Variants in DOK5 observed in about 807,000 individuals in gnomAD.
The protein encoded by DOK5 is docking protein 5.
DOK5 carries 27 observed loss-of-function variants against 43.3 expected under a neutral mutation model. The observed-to-expected ratio is 0.62, with a 90% CI of 0.46 to 0.86. The LOEUF (loss-of-function observed/expected upper bound fraction) is 0.86, where lower values mean the gene tolerates loss of function less well. DOK5 is among the 40% of genes least tolerant of loss of function. The probability of loss-of-function intolerance (pLI) is 0.00; values close to 1 mark genes in which losing one functional copy is unlikely to be tolerated. For missense variants in DOK5, 373 were observed against 392.9 expected (o/e 0.95, Z 0.43); for synonymous variants, 146 against 140.1 (o/e 1.04, Z -0.30).
At chr20:54,613,377 A>G (rs556517788) in intron 6 of DOK5, among the ~76,000 whole-genome samples, 33 of 152,352 alleles carry the variant, frequency 2.2e-4, no homozygotes, top group African/African-American at 7.9e-4. Flanking sequence ...AAGAAACTAT[A>G]AGAAATCATT....
In DOK5 at chr20:54,648,553, A is replaced by C. The variant is rs112915305; in HGVS notation, c.857-1862A>C. Among the ~76,000 whole-genome samples the C allele has an allele frequency of 1.1e-4, 16 of 152,242 alleles. 1 individual carries two copies. Among genetic ancestry groups the C allele is most frequent in the African/African-American group, 3.9e-4 (16 of 41,534 alleles). On this transcript the variant is annotated intron_variant, in intron 7 of 7. Transcript: ENST00000262593. ...CGAGAGCCAGGGGAAGGCATTCTCC[A>C]TAGAGAGGTCAGCAAATGCAAAGGC...
chr20:54,589,717 T>C, intron 4 of DOK5, among the ~76,000 whole-genome samples: 1 of 152,178 alleles, frequency 6.6e-6, no homozygotes, highest in African/African-American at 2.4e-5. Context: ...TGACTTTTTC[T>C]GTAGGTGCAC....
chr20:54,479,188 CA>C (rs2146653387), intron 1 of DOK5, among the ~76,000 whole-genome samples: 1 of 152,214 alleles, frequency 6.6e-6, no homozygotes, highest in Admixed American at 6.5e-5. Context: ...AATGATTAAG[CA>C]ATCAAATATG....
At chr20:54,537,309 T>C (rs1390519482) in intron 1 of DOK5, among the ~76,000 whole-genome samples, 1 of 152,228 alleles carries the variant, frequency 6.6e-6, no homozygotes, top group Non-Finnish European at 1.5e-5. Flanking sequence ...CATAATGTGC[T>C]AAATACTTAG....
intron 2 of DOK5, among the ~76,000 whole-genome samples, chr20:54,564,473 A>G (rs1355070143): frequency 6.6e-6 from 1 of 152,212 alleles, no homozygotes; most frequent in Non-Finnish European, 1.5e-5. Flanking sequence ...TTCCCAAAAT[A>G]TTATTTTGGT....
intron 1 of DOK5, among the ~76,000 whole-genome samples, chr20:54,513,826 A>G (rs183917977): frequency 9.1e-4 from 139 of 152,348 alleles, no homozygotes; most frequent in African/African-American, 3.3e-3. Flanking sequence ...ATACGAGAAC[A>G]GTTTTCTAGG....
intron 5 of DOK5, among the ~76,000 whole-genome samples, chr20:54,604,627 A>G (rs1392307939): frequency 6.6e-6 from 1 of 152,158 alleles, no homozygotes; most frequent in Non-Finnish European, 1.5e-5. Context: ...TTTCAATTAT[A>G]ACGTAATTGT....
intron 1 of DOK5, among the ~76,000 whole-genome samples, chr20:54,534,770 T>C (rs1169851905): frequency 6.6e-6 from 1 of 151,960 alleles, no homozygotes; most frequent in Non-Finnish European, 1.5e-5. Context: ...ACCTTGCAGA[T>C]GCTGTCCCTT....
intron 1 of DOK5, among the ~76,000 whole-genome samples, chr20:54,490,000 C>T (rs774627884): frequency 5.3e-5 from 8 of 152,174 alleles, no homozygotes; most frequent in South Asian, 2.1e-4. Flanking sequence ...TGCTAGTCTA[C>T]GAGGTGAGAA....
intron 1 of DOK5, among the ~76,000 whole-genome samples, chr20:54,516,096 A>C (rs1247120793): frequency 6.6e-6 from 1 of 152,232 alleles, no homozygotes; most frequent in East Asian, 1.9e-4. Context: ...ATAGACAAGC[A>C]TCTCAGAATC....
At chr20:54,544,971 C>T (rs1311387882) in intron 1 of DOK5, among the ~76,000 whole-genome samples, 2 of 152,270 alleles carry the variant, frequency 1.3e-5, no homozygotes, top group African/African-American at 4.8e-5. Flanking sequence ...CAGAATAGCT[C>T]CTCTCATCCT....
intron 1 of DOK5, among the ~76,000 whole-genome samples, chr20:54,525,440 A>T (rs1484605466): frequency 1.3e-5 from 2 of 152,254 alleles, no homozygotes; most frequent in Non-Finnish European, 2.9e-5. Context: ...AGTACCCTAA[A>T]GAGCAAGTAA....
At chr20:54,537,702 T>C (rs976052631) in intron 1 of DOK5, among the ~76,000 whole-genome samples, 1 of 152,048 alleles carries the variant, frequency 6.6e-6, no homozygotes, top group African/African-American at 2.4e-5. Context: ...ACTAAAGATC[T>C]AACATTCATG....
intron 1 of DOK5, among the ~76,000 whole-genome samples, chr20:54,532,633 G>A (rs1057025473): frequency 2.0e-5 from 3 of 152,108 alleles, no homozygotes; most frequent in Non-Finnish European, 2.9e-5. Flanking sequence ...TTTATGTGCC[G>A]GGACTGCTGC....
Position 54,475,596 on chromosome 20 carries a change from C to G in DOK5, c.-351C>G. ...CTCCTTCCTCCTCCTCCTCCTCCTT[C>G]TTCTCCTCCTTCTCGGCCGGGAGGA... On this transcript the variant is annotated 5_prime_UTR_variant, in exon 1 of 8. Coordinates refer to ENST00000262593, the MANE Select transcript of DOK5 (RefSeq NM_018431.5). The surrounding 1 kb of genome is among the most constrained non-coding windows in gnomAD (Gnocchi z 4.2). 2.8e-6 allele frequency: 1 copy of G among 359,824 alleles called. No individual in the cohort carries two copies. The highest frequency in any genetic ancestry group is 5.1e-6 in the Non-Finnish European group (1 of 196,728). 22.3% of individuals were successfully genotyped at this position (359,824 alleles called of 1,614,324 possible).
Position 54,642,677 on chromosome 20 carries a change from C to T in DOK5, c.736-781C>T, listed in dbSNP as rs368631622. 3.6e-4 allele frequency among the ~76,000 whole-genome samples: 55 copies of T among 151,888 alleles called. 2 individuals are homozygous for T. In the South Asian group the frequency reaches 1.0e-2, roughly 28 times the overall value. On this transcript the variant is annotated intron_variant, in intron 6 of 7. Coordinates refer to ENST00000262593, the MANE Select transcript of DOK5 (RefSeq NM_018431.5). The stretch of plus-strand genomic sequence containing the variant: ...GGCGGAGGTTGCAGTGAGCTGTGAT[C>T]GTGCTACCACACTCCAGCCTTGCTG...
chr20:54,475,613 C>T lies in DOK5; in HGVS notation c.-334C>T. On this transcript the variant is annotated 5_prime_UTR_variant, in exon 1 of 8. Coordinates refer to ENST00000262593, the MANE Select transcript of DOK5 (RefSeq NM_018431.5). The surrounding 1 kb of genome is among the most constrained non-coding windows in gnomAD (Gnocchi z 4.2). ...TCCTCCTTCTTCTCCTCCTTCTCGG[C>T]CGGGAGGAGGCAGGGCTGGATCCCT... 1 of 392,744 alleles carries T rather than the reference C, an allele frequency of 2.5e-6. No homozygotes were observed. 24.3% of individuals were successfully genotyped at this position (392,744 alleles called of 1,614,324 possible). A position where few individuals can be genotyped will look rare whatever the true frequency, so the allele number is the denominator to read the frequency against.
intron 2 of DOK5, chr20:54,555,677 A>C (rs117539783): frequency 1.3e-5 from 2 of 152,146 alleles, no homozygotes; most frequent in African/African-American, 4.8e-5. Flanking sequence ...TTCTTTTTTC[A>C]TGAAAACGTG....
chr20:54,502,242 G>T (rs1254780208), intron 1 of DOK5, among the ~76,000 whole-genome samples: 2 of 152,130 alleles, frequency 1.3e-5, no homozygotes, highest in Non-Finnish European at 2.9e-5. Context: ...TTCATTTGTG[G>T]ATCCATGTAG....
Sources: gnomAD v4.1 joint callset for allele counts (sites outside exome capture counted in the v4.1 genomes callset) on GRCh38, gnomAD v4.1.1 for gene constraint, Gnocchi (gnomAD v3.1) non-coding constraint, MANE v1.5 for transcripts, NCBI Gene and HGNC (gene_info 2026-07-23, HGNC 2026-07-21) for gene names.